ZFYVE9: variants seen among roughly 807,000 people sequenced by gnomAD.
ZFYVE9 encodes the protein zinc finger FYVE-type containing 9, also known as zinc finger FYVE domain-containing protein 9.
ZFYVE9 carries 43 observed loss-of-function variants against 126.7 expected under a neutral mutation model. The ratio of observed to expected loss-of-function variants is 0.34; its 90% CI spans 0.27 to 0.44. ZFYVE9 has a LOEUF of 0.44. Ranked by LOEUF, ZFYVE9 falls within the 20% of genes least tolerant of loss-of-function variation. The pLI is 1.00. For synonymous variants in ZFYVE9, 521 were observed against 597.4 expected, an observed-to-expected ratio of 0.87 and a Z score of 1.87; for missense variants, 1,476 against 1,697.0, an observed-to-expected ratio of 0.87 and a Z score of 2.29.
intron 1 of ZFYVE9, among the ~76,000 whole-genome samples, chr1:52,161,569 G>T (rs1428451676): frequency 6.6e-6 from 1 of 152,164 alleles, no homozygotes; most frequent in African/African-American, 2.4e-5. Flanking sequence ...AGGATTACCG[G>T]TGTGAGCCAC....
intron 1 of ZFYVE9, among the ~76,000 whole-genome samples, chr1:52,177,552 T>C (rs1303916824): frequency 6.6e-6 from 1 of 152,160 alleles, no homozygotes; most frequent in Non-Finnish European, 1.5e-5. Context: ...GAAAAAGGAA[T>C]AAGACATCTG....
intron 10 of ZFYVE9, among the ~76,000 whole-genome samples, chr1:52,293,194 C>T (rs913151444): frequency 3.3e-5 from 5 of 151,726 alleles, no homozygotes; most frequent in South Asian, 2.1e-4. Context: ...CTGGCTAACA[C>T]GGTGAAACCC....
At chr1:52,216,516 A>G in intron 2 of ZFYVE9, 42 bp downstream of exon 2, 1 of 398,368 alleles carries the variant, frequency 2.5e-6, no homozygotes, top group Non-Finnish European at 4.4e-6. Context: ...TGAACTTGAG[A>G]AACCAATGAG....
At chr1:52,195,856 G>A (rs507340) in intron 1 of ZFYVE9, among the ~76,000 whole-genome samples, 34,854 of 151,098 alleles carry the variant, frequency 0.23, 5,042 homozygotes, top group Non-Finnish European at 0.32. Flanking sequence ...GCAGTGGCCC[G>A]ATCTCAGCAC....
intron 4 of ZFYVE9, among the ~76,000 whole-genome samples, chr1:52,259,294 C>A (rs963648889): frequency 6.6e-6 from 1 of 151,998 alleles, no homozygotes; most frequent in Non-Finnish European, 1.5e-5. Flanking sequence ...TCTGTAGAGA[C>A]CCTATCTTCA....
intron 1 of ZFYVE9, among the ~76,000 whole-genome samples, chr1:52,181,858 T>C (rs1644708984): frequency 6.7e-6 from 1 of 150,204 alleles, no homozygotes; most frequent in Non-Finnish European, 1.5e-5. Context: ...AGCCGCCCCG[T>C]CTGAGAAGCG....
Position 52,239,428 on chromosome 1 carries a change from AATG to A in ZFYVE9, c.2014_2016del (p.Asp672del). On this transcript the variant is annotated inframe_deletion, in exon 4 of 19. Coordinates refer to ENST00000287727, the MANE Select transcript of ZFYVE9 (RefSeq NM_004799.4). ...TGCATTAGCTCCAGATAGCCCAGAT[AATG>A]ATCTCAGAGCTGGTCAGTTTGGAAT... 1.9e-6 allele frequency: 3 copies of A among 1,614,122 alleles called. No homozygotes were observed. The highest frequency in any genetic ancestry group is 2.5e-6 in the Non-Finnish European group (3 of 1,180,000).
intron 15 of ZFYVE9, 75 bp from the exon 16 acceptor site, chr1:52,337,697 T>G: frequency 6.5e-7 from 1 of 1,547,518 alleles, no homozygotes; most frequent in Non-Finnish European, 8.8e-7. Context: ...GGTTTACATT[T>G]AACTCGGAGG....
At chr1:52,251,026 T>G (rs1019949773) in intron 4 of ZFYVE9, among the ~76,000 whole-genome samples, 13 of 147,040 alleles carry the variant, frequency 8.8e-5, no homozygotes, top group Admixed American at 3.4e-4. Context: ...TTCAGTCGTT[T>G]TTGTTGTTGT....
intron 1 of ZFYVE9, among the ~76,000 whole-genome samples, chr1:52,175,084 A>T (rs1329198591): frequency 6.6e-6 from 1 of 152,056 alleles, no homozygotes; most frequent in East Asian, 1.9e-4. Flanking sequence ...TAGTTGATGC[A>T]GTTTCTTCCT....
At chr1:52,218,103 G>C (rs941476537) in intron 2 of ZFYVE9, among the ~76,000 whole-genome samples, 2 of 152,170 alleles carry the variant, frequency 1.3e-5, no homozygotes, top group Non-Finnish European at 2.9e-5. Flanking sequence ...CCCTGATGCT[G>C]TCTATGTAAA....
chr1:52,293,353 T>A, intron 10 of ZFYVE9, 100 bp from the exon 11 acceptor site: 1 of 1,059,490 alleles, frequency 9.4e-7, no homozygotes, highest in Non-Finnish European at 1.3e-6. Context: ...CACTCCAGCC[T>A]GGGCAACAGC....
chr1:52,335,698 A>G (rs1646382165), intron 15 of ZFYVE9, among the ~76,000 whole-genome samples: 1 of 152,160 alleles, frequency 6.6e-6, no homozygotes, highest in Admixed American at 6.5e-5. Context: ...ATTAGACTTC[A>G]CTTCTACATG....
chr1:52,303,939 T>G lies in ZFYVE9; in HGVS notation c.3438+14T>G. 6.4e-7 allele frequency: 1 copy of G among 1,558,088 alleles called. No homozygotes were observed. ...AGATACAATGAGGTAAGATTTACCA[T>G]GAAGGCGTATTTTTCATAGTTGAAA... On this transcript the variant is annotated intron_variant, in intron 13 of 18. Transcript: ENST00000287727.
intron 4 of ZFYVE9, among the ~76,000 whole-genome samples, chr1:52,246,448 T>C (rs1645384425): frequency 6.6e-6 from 1 of 152,114 alleles, no homozygotes. Context: ...TCTGAATTAG[T>C]AACACATTAA....
chr1:52,288,613 T>C (rs1319734511), intron 10 of ZFYVE9, among the ~76,000 whole-genome samples: 2 of 152,204 alleles, frequency 1.3e-5, no homozygotes, highest in Non-Finnish European at 1.5e-5. Flanking sequence ...GTTTTAGTCA[T>C]ATTACCACTT....
At chr1:52,252,167 C>G (rs187160256) in intron 4 of ZFYVE9, 48 of 156,168 alleles carry the variant, frequency 3.1e-4, no homozygotes, top group Non-Finnish European at 2.9e-4. Context: ...TCAATGAGCA[C>G]CTCTTATTTT....
intron 10 of ZFYVE9, among the ~76,000 whole-genome samples, chr1:52,286,173 G>T (rs557873504): frequency 6.7e-6 from 1 of 150,302 alleles, no homozygotes; most frequent in South Asian, 2.1e-4. Context: ...AAAAAAAAAC[G>T]TATCGCAATT....
At position 52,292,273 on chromosome 1, in the gene ZFYVE9, A is replaced by C. The variant is rs1268695498; in HGVS notation, c.3026-1180A>C. Among the ~76,000 whole-genome samples the C allele has an allele frequency of 2.9e-5, 4 of 137,060 alleles. No individual in the cohort carries two copies. In the East Asian group the frequency reaches 8.5e-4, roughly 29 times the overall value. 89.9% of individuals were successfully genotyped at this position (137,060 alleles called of 152,430 possible). A position where few individuals can be genotyped will look rare whatever the true frequency, so the allele number is the denominator to read the frequency against. ...ACTCCAGCCTGGGTGGCAGAGCAAG[A>C]CTCCATCTCAAAAAAAAAAAAAAAA... On this transcript the variant is annotated intron_variant, in intron 10 of 18. Transcript: ENST00000287727.
Sources: gnomAD v4.1 joint callset for allele counts (sites outside exome capture counted in the v4.1 genomes callset) on GRCh38, gnomAD v4.1.1 for gene constraint, MANE v1.5 for transcripts, NCBI Gene and HGNC (gene_info 2026-07-23, HGNC 2026-07-21) for gene names.